The following PCDHGB2 variants were observed in gnomAD, a reference collection of about 807,000 sequenced individuals.
The protein encoded by PCDHGB2 is protocadherin gamma-B2.
Under a neutral mutation model 59.3 loss-of-function variants are expected in PCDHGB2, and 55 were observed. That is an observed-to-expected ratio of 0.93 (90% confidence interval 0.75 to 1.16). The LOEUF (loss-of-function observed/expected upper bound fraction) is 1.16. Among genes scored for constraint, PCDHGB2 ranks in the 50% most tolerant of loss-of-function variants. PCDHGB2 has a pLI of 0.00. For missense variants in PCDHGB2, 1,228 were observed against 1,198.5 expected, an observed-to-expected ratio of 1.02 and a Z score of -0.36; for synonymous variants, 516 against 512.0, an observed-to-expected ratio of 1.01 and a Z score of -0.11.
chr5:141,443,849 T>A (rs1233479391), intron 1 of PCDHGB2, among the ~76,000 whole-genome samples: 2 of 152,136 alleles, frequency 1.3e-5, no homozygotes, highest in Admixed American at 1.3e-4. Flanking sequence ...ATATGGAAAG[T>A]CTGAAAACTG....
At chr5:141,421,880 G>C in intron 1 of PCDHGB2, 1 of 1,613,718 alleles carries the variant, frequency 6.2e-7, no homozygotes, top group Admixed American at 1.7e-5. Flanking sequence ...GCTTTAGATG[G>C]AGGCGATCCC....
chr5:141,500,176 A>ATTTT (rs1468241826), intron 2 of PCDHGB2, among the ~76,000 whole-genome samples: 91 of 145,916 alleles, frequency 6.2e-4, no homozygotes, highest in African/African-American at 2.3e-3. Context: ...CATGAGCTTC[A>ATTTT]TTTTTATTTT....
chr5:141,490,736 A>G lies in PCDHGB2; in HGVS notation c.2422-4071A>G, dbSNP rs747567176. The G allele has an allele frequency of 5.0e-6, 8 of 1,614,084 alleles. No individual in the cohort carries two copies. Among genetic ancestry groups the G allele is most frequent in the Non-Finnish European group, 6.8e-6 (8 of 1,180,034 alleles). On this transcript the variant is annotated intron_variant, in intron 1 of 3. Transcript: ENST00000522605. This position sits in a 1 kb window ranked among gnomAD's most constrained non-coding sequence, Gnocchi z 5.4. The stretch of plus-strand genomic sequence containing the variant: ...TACTCCATTGTAGGAAATCAGGTTC[A>G]GGGAGCCCCAGCCTCCTCCTTTGTG...
At position 141,473,164 on chromosome 5, in the gene PCDHGB2, G is replaced by A. The variant is rs190029663; in HGVS notation, c.2422-21643G>A. Among the ~76,000 whole-genome samples the A allele has an allele frequency of 1.6e-3, 241 of 152,250 alleles. 5 individuals carry two copies. The highest frequency in any genetic ancestry group is 2.1e-4 in the Non-Finnish European group (14 of 68,014). ...TCTTCAGATCACTAGGGCTAGGAAG[G>A]CCCACTGGTAACTTGAAGGAGTAAA... On this transcript the variant is annotated intron_variant, in intron 1 of 3. Transcript: ENST00000522605.
intron 1 of PCDHGB2, chr5:141,409,807 C>T (rs1561723178): frequency 1.2e-6 from 2 of 1,611,592 alleles, no homozygotes; most frequent in Non-Finnish European, 1.7e-6. Flanking sequence ...TGCAGGCCCG[C>T]GACCACGGCT....
intron 1 of PCDHGB2, chr5:141,384,950 C>G: frequency 6.2e-7 from 1 of 1,614,122 alleles, no homozygotes; most frequent in East Asian, 2.2e-5. Flanking sequence ...TCCGACGGTC[C>G]TTACAACTAT....
rs70988800 is a variant in PCDHGB2, at chr5:141,379,889, C to CTT, written c.2421+17362_2421+17363dup. On this transcript the variant is annotated intron_variant, in intron 1 of 3. Transcript: ENST00000522605. ...CTTATTTTATGGTCTGTGAAAGCCT[C>CTT]TTTTTTTTTTTTTTTTTTTTTTTTT... Among the ~76,000 whole-genome samples the CTT allele has an allele frequency of 2.1e-3, 106 of 50,824 alleles. 11 individuals carry two copies. Among genetic ancestry groups the CTT allele is most frequent in the East Asian group, 2.5e-3 (4 of 1,606 alleles). 33.3% of individuals were successfully genotyped at this position (50,824 alleles called of 152,430 possible).
chr5:141,409,226 G>A (rs753236012), intron 1 of PCDHGB2: 1 of 1,613,862 alleles, frequency 6.2e-7, no homozygotes, highest in African/African-American at 1.3e-5. Flanking sequence ...TGATGAAAAC[G>A]ACAACAGCCC....
intron 1 of PCDHGB2, chr5:141,372,129 C>A (rs62620756): frequency 0.034 from 55,182 of 1,613,622 alleles, 1,045 homozygotes; most frequent in Middle Eastern, 0.098. Flanking sequence ...CGATATGGTG[C>A]CGCGCTCTGC....
intron 1 of PCDHGB2, chr5:141,411,907 G>A (rs2095522781): frequency 1.3e-5 from 2 of 152,156 alleles, no homozygotes; most frequent in Non-Finnish European, 2.9e-5. Flanking sequence ...TATTGCCTTT[G>A]CACTCAGTCT....
intron 1 of PCDHGB2, chr5:141,433,007 C>CT: frequency 6.2e-7 from 1 of 1,614,198 alleles, no homozygotes; most frequent in Non-Finnish European, 8.5e-7. Context: ...GCAGGCTTTC[C>CT]TGCAGACCTA....
chr5:141,405,419 T>C, intron 1 of PCDHGB2: 7 of 1,509,010 alleles, frequency 4.6e-6, no homozygotes, highest in Non-Finnish European at 5.4e-6. Flanking sequence ...TTTTTTGTTT[T>C]TTGTTTTGTT....
At chr5:141,368,561 T>G (rs1765726428) in intron 1 of PCDHGB2, among the ~76,000 whole-genome samples, 2 of 152,184 alleles carry the variant, frequency 1.3e-5, no homozygotes, top group Non-Finnish European at 2.9e-5. Context: ...AAGAAAATGT[T>G]ATATGCTTCT....
chr5:141,423,656 A>G (rs988976310), intron 1 of PCDHGB2: 2 of 1,571,854 alleles, frequency 1.3e-6, no homozygotes, highest in African/African-American at 1.4e-5. Context: ...CCGACAAGTA[A>G]TCAGGTGAGA....
At chr5:141,399,700 G>T (rs1354039219) in intron 1 of PCDHGB2, 1 of 1,613,422 alleles carries the variant, frequency 6.2e-7, no homozygotes. Flanking sequence ...GCGCACCTTC[G>T]AACTCACACT....
rs779193571 is a variant in PCDHGB2, at chr5:141,362,099, C to G, written c.1964C>G (p.Ser655Cys). 1.4e-5 allele frequency: 23 copies of G among 1,613,768 alleles called. No individual in the cohort carries two copies. The African/African-American group carries it at 2.9e-4, about 21-fold the overall frequency. ...CGTGATGGAGGACAGCCGCCACTCT[C>G]CGCTACGGCCACGCTGCACCTAATC... The part of the protein sequence containing the change: ...AVRDGGQPPL[S>C]ATATLHLIFA... Residue 655 changes from serine to cysteine, a missense_variant, in exon 1 of 4, where the codon TCC becomes TGC. This residue lies in a region of PCDHGB2 where 433 missense variants were observed against 441.8 expected (regional missense o/e 0.98). Coordinates refer to ENST00000522605, the MANE Select transcript of PCDHGB2 (RefSeq NM_018923.3).
rs953182246 is a variant in PCDHGB2, at chr5:141,511,757, C to T, written c.*584C>T. ...CTCAAGTTTTGGAGGACATGATCAC[C>T]ATCCCCATGGTACTGATGCTTGCTG... is the stretch of plus-strand genomic sequence containing the variant. On this transcript the variant is annotated 3_prime_UTR_variant, in exon 4 of 4. Coordinates refer to ENST00000522605, the MANE Select transcript of PCDHGB2 (RefSeq NM_018923.3). The T allele has an allele frequency of 6.9e-5, 12 of 174,122 alleles. No individual in the cohort carries two copies. The highest frequency in any genetic ancestry group is 2.8e-4 in the African/African-American group (12 of 42,412). The allele number at this position is 174,122 out of a possible 1,614,324, so 10.8% of individuals were successfully genotyped here.
chr5:141,364,450 C>T, intron 1 of PCDHGB2: 3 of 1,613,980 alleles, frequency 1.9e-6, no homozygotes, highest in Non-Finnish European at 2.5e-6. Context: ...AGGAGCTGGA[C>T]AAAGGCTCCT....
chr5:141,414,855 C>G, intron 1 of PCDHGB2: 1 of 1,614,238 alleles, frequency 6.2e-7, no homozygotes, highest in South Asian at 1.1e-5. Flanking sequence ...TGGACCAGAA[C>G]GACAATGCGC....
Sources: allele counts gnomAD v4.1 joint callset (sites outside exome capture counted in the v4.1 genomes callset), GRCh38; gene constraint gnomAD v4.1.1; regional missense constraint gnomAD v4.1.1; non-coding constraint Gnocchi (gnomAD v3.1); transcripts MANE v1.5; gene names NCBI Gene and HGNC (gene_info 2026-07-23, HGNC 2026-07-21).